EXOC6B: variants seen among roughly 807,000 people sequenced by gnomAD.
EXOC6B encodes SEC15 homolog B.
A neutral mutation model predicts 113.5 loss-of-function variants in EXOC6B; 54 were observed. The ratio of observed to expected loss-of-function variants is 0.48; its 90% CI spans 0.38 to 0.60. The LOEUF is 0.60. Ranked by LOEUF, EXOC6B falls within the 20% of genes least tolerant of loss-of-function variation. The pLI, the probability that EXOC6B is intolerant of heterozygous loss-of-function variation, is 0.00. For missense variants in EXOC6B, 797 were observed against 977.5 expected (o/e 0.82, Z 2.46); for synonymous variants, 357 against 339.0 (o/e 1.05, Z -0.58).
chr2:72,479,169 A>T (rs1185252272), intron 17 of EXOC6B, among the ~76,000 whole-genome samples: 2 of 152,198 alleles, frequency 1.3e-5, no homozygotes, highest in Non-Finnish European at 2.9e-5. Context: ...CATTATGTGT[A>T]ATGAATTTTA....
chr2:72,640,219 T>C (rs952112011), intron 6 of EXOC6B, among the ~76,000 whole-genome samples: 2 of 152,048 alleles, frequency 1.3e-5, no homozygotes, highest in African/African-American at 2.4e-5. Context: ...AATTTCACAA[T>C]GCAATCACAA....
chr2:72,736,570 T>C (rs1680979342), intron 2 of EXOC6B, among the ~76,000 whole-genome samples: 1 of 152,140 alleles, frequency 6.6e-6, no homozygotes, highest in Admixed American at 6.5e-5. Flanking sequence ...CAAGTATTCC[T>C]GCTGGGGCAT....
At chr2:72,309,483 C>A (rs927456992) in intron 20 of EXOC6B, among the ~76,000 whole-genome samples, 1 of 152,042 alleles carries the variant, frequency 6.6e-6, no homozygotes, top group East Asian at 1.9e-4. Flanking sequence ...AAGTTAAATC[C>A]CATGCCTGGA....
chr2:72,636,609 G>GA (rs1672853645), intron 6 of EXOC6B, among the ~76,000 whole-genome samples: 1 of 152,030 alleles, frequency 6.6e-6, no homozygotes, highest in Non-Finnish European at 1.5e-5. Context: ...AATTGATGCA[G>GA]AAAAAAATGT....
intron 18 of EXOC6B, among the ~76,000 whole-genome samples, chr2:72,460,932 A>G (rs1286034825): frequency 6.6e-6 from 1 of 151,542 alleles, no homozygotes; most frequent in Admixed American, 6.6e-5. Flanking sequence ...GGCACTATTC[A>G]CAATAGCAAA....
intron 17 of EXOC6B, among the ~76,000 whole-genome samples, chr2:72,471,951 A>G (rs1698440277): frequency 6.6e-6 from 1 of 152,136 alleles, no homozygotes; most frequent in Admixed American, 6.5e-5. Context: ...AATTTTATCA[A>G]ATGCTTTTTC....
rs777989315 is a variant in EXOC6B at position 72,575,453 on chromosome 2, T to A, written c.846+39A>T. The stretch of plus-strand genomic sequence containing the variant: ...ACATCTCAACCATACTATTTAAGCT[T>A]AAAAATAGTCTCACTTCCCAACATC... On this transcript the variant is annotated intron_variant, in intron 7 of 21. Coordinates refer to ENST00000272427, the MANE Select transcript of EXOC6B (RefSeq NM_015189.3). 5 of 1,579,030 alleles carry A rather than the reference T, an allele frequency of 3.2e-6. No individual in the cohort carries two copies. In the South Asian group the frequency reaches 4.7e-5, roughly 15 times the overall value.
Position 72,555,068 on chromosome 2 carries a change from C to G in EXOC6B, c.915+4385G>C, listed in dbSNP as rs112237891. Among the ~76,000 whole-genome samples, 514 of 152,320 alleles carry G rather than the reference C, an allele frequency of 3.4e-3. 2 individuals carry two copies. The highest frequency in any genetic ancestry group is 0.012 in the African/African-American group (490 of 41,566). ...ACAGTTTCCAGCTTCATCCATGTCC[C>G]TGCAAAGGACATGAACTCATGCTTT... On this transcript the variant is annotated intron_variant, in intron 8 of 21. Transcript: ENST00000272427.
chr2:72,747,369 T>C (rs577825968), intron 1 of EXOC6B, among the ~76,000 whole-genome samples: 144 of 152,138 alleles, frequency 9.5e-4, no homozygotes, highest in Non-Finnish European at 1.6e-3. Flanking sequence ...GAAACTGCTT[T>C]TCCTGCCTTA....
rs375062746 is a variant in EXOC6B, at chr2:72,624,756, TAAC to T, written c.670-49091_670-49089del. The stretch of plus-strand genomic sequence containing the variant: ...GCAAGACCCTGTTTCTTAAAAACGA[TAAC>T]AACAACAACAACAAAAAGCATTTAT... On this transcript the variant is annotated intron_variant, in intron 6 of 21. Coordinates refer to ENST00000272427, the MANE Select transcript of EXOC6B (RefSeq NM_015189.3). Among the ~76,000 whole-genome samples, 149 of 152,242 alleles carry T rather than the reference TAAC, an allele frequency of 9.8e-4. 1 individual carries two copies. The highest frequency in any genetic ancestry group is 3.4e-3 in the African/African-American group (140 of 41,548).
chr2:72,637,895 G>C (rs989093140), intron 6 of EXOC6B, among the ~76,000 whole-genome samples: 2 of 151,248 alleles, frequency 1.3e-5, no homozygotes, highest in African/African-American at 2.4e-5. Context: ...AGCAAAAGTA[G>C]TATATCAAAA....
At chr2:72,755,656 A>G (rs1045899026) in intron 1 of EXOC6B, among the ~76,000 whole-genome samples, 1 of 152,196 alleles carries the variant, frequency 6.6e-6, no homozygotes, top group Non-Finnish European at 1.5e-5. Flanking sequence ...AGAAATTTAG[A>G]TGGCTAAAGG....
intron 6 of EXOC6B, among the ~76,000 whole-genome samples, chr2:72,716,552 A>C (rs969229814): frequency 3.9e-5 from 6 of 152,186 alleles, no homozygotes; most frequent in Non-Finnish European, 5.9e-5. Context: ...CTGGATTCAC[A>C]AAAGATTTCT....
chr2:72,537,010 G>A (rs1416927500), intron 8 of EXOC6B, among the ~76,000 whole-genome samples: 20 of 152,022 alleles, frequency 1.3e-4, no homozygotes, highest in Admixed American at 1.3e-3. Flanking sequence ...CATATTTTAG[G>A]TTAATTTCTA....
At chr2:72,636,331 GGGAAGGAA>G (rs1413671048) in intron 6 of EXOC6B, among the ~76,000 whole-genome samples, 1 of 80,810 alleles carries the variant, frequency 1.2e-5, no homozygotes, top group Non-Finnish European at 2.6e-5. Flanking sequence ...GAGGGAAGGA[GGGAAGGAA>G]GGAAGGAAGG....
chr2:72,353,386 T>TGTATTG (rs774320429), intron 19 of EXOC6B, among the ~76,000 whole-genome samples: 3 of 151,470 alleles, frequency 2.0e-5, no homozygotes, highest in African/African-American at 7.3e-5. Context: ...TGTATCGTAT[T>TGTATTG]TTTGAGATGG....
intron 16 of EXOC6B, among the ~76,000 whole-genome samples, chr2:72,483,307 T>C (rs182102593): frequency 8.5e-5 from 13 of 152,302 alleles, no homozygotes. Context: ...ATCTGAGAAC[T>C]GAAAAATTTC....
At chr2:72,230,133 G>T (rs1681516946) in intron 20 of EXOC6B, among the ~76,000 whole-genome samples, 1 of 152,078 alleles carries the variant, frequency 6.6e-6, no homozygotes, top group South Asian at 2.1e-4. Context: ...GATTAACTAT[G>T]GTCAGTGCCA....
At chr2:72,226,962 C>A (rs1681282335) in intron 20 of EXOC6B, among the ~76,000 whole-genome samples, 1 of 152,086 alleles carries the variant, frequency 6.6e-6, no homozygotes, top group Admixed American at 6.6e-5. Flanking sequence ...AGGTAGGAAG[C>A]AATGGAATTG....
Sources: allele counts gnomAD v4.1 joint callset (sites outside exome capture counted in the v4.1 genomes callset), GRCh38; gene constraint gnomAD v4.1.1; transcripts MANE v1.5; gene names NCBI Gene and HGNC (gene_info 2026-07-23, HGNC 2026-07-21).